The following CFAP54 variants were observed in gnomAD, a reference collection of about 807,000 sequenced individuals.
CFAP54 encodes cilia and flagella associated protein 54, also known as cilia- and flagella-associated protein 54.
A neutral mutation model predicts 370.4 loss-of-function variants in CFAP54; 290 were observed. The ratio of observed to expected loss-of-function variants is 0.78; its 90% CI spans 0.71 to 0.86. CFAP54 has a LOEUF of 0.86. CFAP54 is among the 40% of genes least tolerant of loss of function. The pLI, the probability that CFAP54 is intolerant of heterozygous loss-of-function variation, is 0.00. For synonymous variants in CFAP54, 1,206 were observed against 1,236.5 expected (o/e 0.98, Z 0.52); for missense variants, 3,399 against 3,528.7 (o/e 0.96, Z 0.93).
intron 6 of CFAP54, among the ~76,000 whole-genome samples, chr12:96,520,133 C>A: frequency 6.6e-6 from 1 of 152,184 alleles, no homozygotes; most frequent in East Asian, 1.9e-4. Context: ...GTATCTGGGA[C>A]TACAGACACA....
chr12:96,818,013 C>A, intron 65 of CFAP54, 100 bp downstream of exon 65: 2 of 882,384 alleles, frequency 2.3e-6, no homozygotes, highest in Non-Finnish European at 3.1e-6. Context: ...AATTCTTCTG[C>A]CTCTAGTTTA....
At chr12:96,520,824 T>C (rs1241946777) in intron 6 of CFAP54, among the ~76,000 whole-genome samples, 1 of 152,248 alleles carries the variant, frequency 6.6e-6, no homozygotes, top group East Asian at 1.9e-4. Flanking sequence ...TCATATCTTG[T>C]TAACGACCAT....
At chr12:96,847,668 G>A (rs1959398641) in intron 66 of CFAP54, among the ~76,000 whole-genome samples, 1 of 152,158 alleles carries the variant, frequency 6.6e-6, no homozygotes, top group South Asian at 2.1e-4. Context: ...TCTCATGGAG[G>A]TGCTTCTTAT....
intron 47 of CFAP54, among the ~76,000 whole-genome samples, chr12:96,706,788 ATG>A (rs140060456): frequency 1.8e-3 from 256 of 138,566 alleles, no homozygotes; most frequent in South Asian, 9.1e-3. Flanking sequence ...TTGTGTGTGT[ATG>A]TGTGTGTGTG....
At chr12:96,574,765 A>C (rs1955958583) in intron 19 of CFAP54, among the ~76,000 whole-genome samples, 1 of 152,094 alleles carries the variant, frequency 6.6e-6, no homozygotes, top group South Asian at 2.1e-4. Context: ...GAGTGAATGT[A>C]TTAGTATTTT....
chr12:96,802,191 C>T (rs939981487), intron 63 of CFAP54, among the ~76,000 whole-genome samples: 1 of 152,058 alleles, frequency 6.6e-6, no homozygotes, highest in African/African-American at 2.4e-5. Context: ...GAACAATACC[C>T]ACCACCCTGC....
chr12:96,641,432 G>A (rs1426726149), intron 32 of CFAP54, among the ~76,000 whole-genome samples: 1 of 152,070 alleles, frequency 6.6e-6, no homozygotes, highest in Non-Finnish European at 1.5e-5. Context: ...GAAACAAGAG[G>A]TGCTGGAGAG....
intron 30 of CFAP54, among the ~76,000 whole-genome samples, chr12:96,628,019 C>T (rs1956565417): frequency 6.6e-6 from 1 of 152,184 alleles, no homozygotes; most frequent in Non-Finnish European, 1.5e-5. Flanking sequence ...ACAACATCGC[C>T]TACAGCGTTC....
At chr12:96,666,005 T>C (rs1214975871) in intron 39 of CFAP54, among the ~76,000 whole-genome samples, 3 of 152,218 alleles carry the variant, frequency 2.0e-5, no homozygotes, top group Non-Finnish European at 1.5e-5. Flanking sequence ...TGAGCAGTGG[T>C]TTGTGGTTCT....
Position 96,743,386 on chromosome 12 carries a change from C to CA in CFAP54, c.7220-15dup, listed in dbSNP as rs768275515. On this transcript the variant is annotated splice_polypyrimidine_tract_variant and intron_variant, in intron 52 of 67. Transcript: ENST00000524981. ...TTTCTCAATGCATTTTAAATAACCG[C>CA]ATTTGTTTATTTTAGAGGATGATAT... is the stretch of plus-strand genomic sequence containing the variant. 1 of 1,609,492 alleles carries CA rather than the reference C, an allele frequency of 6.2e-7. No homozygotes were observed. Among genetic ancestry groups the CA allele is most frequent in the Admixed American group, 1.7e-5 (1 of 59,410 alleles).
chr12:96,592,543 TTAGAAA>T lies in CFAP54; in HGVS notation c.3269_3274del (p.Arg1090_Asn1091del). On this transcript the variant is annotated inframe_deletion, in exon 24 of 68. Coordinates refer to ENST00000524981, the MANE Select transcript of CFAP54 (RefSeq NM_001306084.2). ...TCTTCAATCCTCTTGTACCTTTTTC[TTAGAAA>T]TATTTTTGTAACAAGTGACATCAAA... 1 of 1,095,818 alleles carries T rather than the reference TTAGAAA, an allele frequency of 9.1e-7. No homozygotes were observed. Among genetic ancestry groups the T allele is most frequent in the Admixed American group, 2.6e-5 (1 of 37,874 alleles). 67.9% of individuals were successfully genotyped at this position (1,095,818 alleles called of 1,614,324 possible). A position where few individuals can be genotyped will look rare whatever the true frequency, so the allele number is the denominator to read the frequency against.
At chr12:96,703,019 T>C (rs1043108384) in intron 46 of CFAP54, among the ~76,000 whole-genome samples, 1 of 152,164 alleles carries the variant, frequency 6.6e-6, no homozygotes, top group African/African-American at 2.4e-5. Context: ...GAATTTCCCC[T>C]TGGATTCAGT....
intron 1 of CFAP54, among the ~76,000 whole-genome samples, chr12:96,492,172 C>T (rs1204117664): frequency 1.3e-5 from 2 of 152,246 alleles, no homozygotes; most frequent in Non-Finnish European, 2.9e-5. Flanking sequence ...GCCACTCTGT[C>T]TCCAATCTAT....
chr12:96,552,104 G>C (rs1399192359), intron 15 of CFAP54, among the ~76,000 whole-genome samples: 3 of 151,882 alleles, frequency 2.0e-5, no homozygotes, highest in Admixed American at 1.3e-4. Context: ...AAATTAGCTG[G>C]GCATGGTGGC....
intron 26 of CFAP54, among the ~76,000 whole-genome samples, chr12:96,614,165 A>G (rs1389459972): frequency 1.3e-5 from 2 of 152,214 alleles, no homozygotes; most frequent in Non-Finnish European, 2.9e-5. Context: ...CTTATCCACC[A>G]TGATCAAGGG....
chr12:96,770,151 G>A (rs1052830876), intron 60 of CFAP54, among the ~76,000 whole-genome samples: 5 of 151,790 alleles, frequency 3.3e-5, no homozygotes, highest in Non-Finnish European at 7.4e-5. Context: ...CTTATAGGTG[G>A]GAATGGAGAA....
intron 55 of CFAP54, among the ~76,000 whole-genome samples, chr12:96,751,565 A>G (rs534011291): frequency 6.6e-6 from 1 of 152,236 alleles, no homozygotes; most frequent in South Asian, 2.1e-4. Flanking sequence ...TTTTTGTCTT[A>G]TATTGATATT....
chr12:96,518,695 A>G (rs563671722), intron 5 of CFAP54, among the ~76,000 whole-genome samples: 127 of 152,138 alleles, frequency 8.3e-4, no homozygotes, highest in Non-Finnish European at 1.5e-3. Context: ...AAAAACAAAT[A>G]AACAAACAAA....
intron 2 of CFAP54, among the ~76,000 whole-genome samples, chr12:96,502,256 A>G (rs1409517843): frequency 6.6e-6 from 1 of 152,104 alleles, no homozygotes; most frequent in Non-Finnish European, 1.5e-5. Context: ...TCTACTTTTC[A>G]CTGAAGGGAA....
Sources: allele counts gnomAD v4.1 joint callset (sites outside exome capture counted in the v4.1 genomes callset), GRCh38; gene constraint gnomAD v4.1.1; transcripts MANE v1.5; gene names NCBI Gene and HGNC (gene_info 2026-07-23, HGNC 2026-07-21).